Variants in NOL4 observed in about 807,000 individuals in gnomAD.
NOL4 encodes nucleolar protein 4.
In NOL4, 17 loss-of-function variants were observed where a neutral mutation model predicts 75.9. The ratio of observed to expected loss-of-function variants is 0.22; its 90% CI spans 0.15 to 0.34. The LOEUF (loss-of-function observed/expected upper bound fraction) is 0.34. Among genes scored for constraint, NOL4 ranks in the 10% least tolerant of loss-of-function variants. The pLI is 1.00. For synonymous variants in NOL4, 292 were observed against 289.9 expected (o/e 1.01, Z -0.07); for missense variants, 614 against 793.5 (o/e 0.77, Z 2.72).
chr18:33,923,663 T>C (rs1378264755), intron 9 of NOL4, among the ~76,000 whole-genome samples: 1 of 152,192 alleles, frequency 6.6e-6, no homozygotes. Flanking sequence ...TATGTGTACA[T>C]AATGTATTGT....
At chr18:33,903,313 G>C (rs908302513) in intron 9 of NOL4, among the ~76,000 whole-genome samples, 1 of 152,040 alleles carries the variant, frequency 6.6e-6, no homozygotes, top group Non-Finnish European at 1.5e-5. Flanking sequence ...AACAGCATGG[G>C]GGAAACTGCA....
intron 1 of NOL4, chr18:34,221,638 T>C (rs1568463795): frequency 6.3e-6 from 1 of 159,184 alleles, no homozygotes; most frequent in Non-Finnish European, 1.4e-5. Flanking sequence ...AGAACTTTTA[T>C]ATGTGTTTCC....
At chr18:33,982,674 C>A (rs1332883520) in intron 6 of NOL4, among the ~76,000 whole-genome samples, 1 of 148,814 alleles carries the variant, frequency 6.7e-6, no homozygotes, top group Non-Finnish European at 1.5e-5. Context: ...AGTAAGGACA[C>A]AATTTAACCC....
intron 5 of NOL4, among the ~76,000 whole-genome samples, chr18:34,022,155 C>T (rs942640322): frequency 6.6e-5 from 10 of 150,990 alleles, no homozygotes; most frequent in Non-Finnish European, 1.2e-4. Flanking sequence ...AAAAACAAAG[C>T]ACATTAGGTT....
chr18:34,171,000 TTAGCAGA>T (rs1191481057), intron 1 of NOL4, among the ~76,000 whole-genome samples: 2 of 152,222 alleles, frequency 1.3e-5, no homozygotes, highest in African/African-American at 4.8e-5. Context: ...ATCAGCATTT[TTAGCAGA>T]TAGAACATGA....
chr18:34,146,233 C>T (rs1209589357), intron 1 of NOL4, among the ~76,000 whole-genome samples: 1 of 151,888 alleles, frequency 6.6e-6, no homozygotes, highest in Non-Finnish European at 1.5e-5. Context: ...GTCATTATTT[C>T]ACTGCTCTAG....
At chr18:34,035,457 C>A (rs1042746877) in intron 5 of NOL4, among the ~76,000 whole-genome samples, 4 of 151,774 alleles carry the variant, frequency 2.6e-5, no homozygotes, top group Non-Finnish European at 5.9e-5. Flanking sequence ...TGGTACATAG[C>A]AAAAACAGTA....
chr18:34,151,021 C>T (rs892982240), intron 1 of NOL4, among the ~76,000 whole-genome samples: 5 of 151,778 alleles, frequency 3.3e-5, no homozygotes, highest in African/African-American at 1.2e-4. Context: ...TGAGATACCA[C>T]TACATAACTA....
intron 2 of NOL4, among the ~76,000 whole-genome samples, chr18:34,108,092 G>C (rs2079398441): frequency 6.6e-6 from 1 of 152,038 alleles, no homozygotes; most frequent in Non-Finnish European, 1.5e-5. Flanking sequence ...TTACACTCGA[G>C]GCACCAAGTA....
intron 9 of NOL4, among the ~76,000 whole-genome samples, chr18:33,888,184 GC>G (rs2144771770): frequency 6.6e-6 from 1 of 152,258 alleles, no homozygotes; most frequent in East Asian, 1.9e-4. Flanking sequence ...TGGATGATGA[GC>G]ATTTTTTCAT....
chr18:33,981,834 A>G (rs1405786238), intron 6 of NOL4, among the ~76,000 whole-genome samples: 1 of 152,136 alleles, frequency 6.6e-6, no homozygotes, highest in African/African-American at 2.4e-5. Context: ...TTTTAATAAT[A>G]CTAGCAACAA....
At chr18:34,143,864 C>CAA (rs754617814) in intron 1 of NOL4, among the ~76,000 whole-genome samples, 43 of 65,736 alleles carry the variant, frequency 6.5e-4, no homozygotes, top group Non-Finnish European at 8.0e-4. Context: ...AACTCCATCT[C>CAA]AAAAAAAAAA....
intron 9 of NOL4, among the ~76,000 whole-genome samples, chr18:33,924,911 C>A (rs1356442129): frequency 6.6e-6 from 1 of 151,980 alleles, no homozygotes; most frequent in Non-Finnish European, 1.5e-5. Flanking sequence ...TGAGAAACTG[C>A]CTGGATAAAG....
intron 1 of NOL4, among the ~76,000 whole-genome samples, chr18:34,144,774 T>C (rs1435757734): frequency 6.6e-6 from 1 of 152,194 alleles, no homozygotes; most frequent in Non-Finnish European, 1.5e-5. Flanking sequence ...GACACTATGC[T>C]TAGAGATACT....
At chr18:33,876,179 C>T (rs1263701627) in intron 10 of NOL4, among the ~76,000 whole-genome samples, 2 of 151,986 alleles carry the variant, frequency 1.3e-5, no homozygotes, top group East Asian at 3.9e-4. Flanking sequence ...CTCTTTTATT[C>T]TTCTGCCTAT....
chr18:33,892,589 G>A (rs1419115926), intron 9 of NOL4, among the ~76,000 whole-genome samples: 1 of 152,054 alleles, frequency 6.6e-6, no homozygotes, highest in Non-Finnish European at 1.5e-5. Context: ...ATCATTACAA[G>A]GCAATGAAAT....
intron 5 of NOL4, among the ~76,000 whole-genome samples, chr18:34,056,087 T>C (rs2076824436): frequency 6.6e-6 from 1 of 152,204 alleles, no homozygotes; most frequent in African/African-American, 2.4e-5. Flanking sequence ...TTTAAAATAG[T>C]TGTTTTTAAT....
intron 1 of NOL4, among the ~76,000 whole-genome samples, chr18:34,214,432 G>T (rs2036736160): frequency 6.6e-6 from 1 of 152,074 alleles, no homozygotes. Flanking sequence ...GGAAACCAGT[G>T]ATTTAAAGCA....
At chr18:34,060,447 C>A (rs1470481535) in intron 5 of NOL4, among the ~76,000 whole-genome samples, 1 of 152,168 alleles carries the variant, frequency 6.6e-6, no homozygotes, top group Admixed American at 6.5e-5. Context: ...GCCTAACTTC[C>A]TCATAATTAC....
Sources: gnomAD v4.1 joint callset for allele counts (sites outside exome capture counted in the v4.1 genomes callset) on GRCh38, gnomAD v4.1.1 for gene constraint, MANE v1.5 for transcripts, NCBI Gene and HGNC (gene_info 2026-07-23, HGNC 2026-07-21) for gene names.